Variants in NKD1 observed in about 807,000 individuals in gnomAD.
NKD1 encodes the protein NKD inhibitor of Wnt signaling pathway 1.
In NKD1, 21 loss-of-function variants were observed where a neutral mutation model predicts 56.0. The ratio of observed to expected loss-of-function variants is 0.38; its 90% CI spans 0.27 to 0.54. The LOEUF is 0.54. Among genes scored for constraint, NKD1 ranks in the 20% least tolerant of loss-of-function variants. The pLI is 0.82. For synonymous variants in NKD1, 263 were observed against 265.7 expected (o/e 0.99, Z 0.10); for missense variants, 578 against 642.7 (o/e 0.90, Z 1.09).
At chr16:50,548,953 C>T in intron 2 of NKD1, 7 of 966,570 alleles carry the variant, frequency 7.2e-6, no homozygotes, top group Non-Finnish European at 8.6e-6. Flanking sequence ...CCTGCGCTCC[C>T]ACCGCTGACC....
chr16:50,590,818 T>TG (rs1047094149), intron 3 of NKD1, among the ~76,000 whole-genome samples: 2 of 152,074 alleles, frequency 1.3e-5, no homozygotes, highest in Non-Finnish European at 2.9e-5. Flanking sequence ...AAGCCTTTTT[T>TG]TTGTTGTTGT....
At chr16:50,605,310 G>A (rs1961681142) in intron 3 of NKD1, among the ~76,000 whole-genome samples, 1 of 152,204 alleles carries the variant, frequency 6.6e-6, no homozygotes, top group Non-Finnish European at 1.5e-5. Flanking sequence ...CAGTACTTCA[G>A]GGTTGAGGCC....
In NKD1 at chr16:50,642,280, T is replaced by G. The variant is rs1326626772; in HGVS notation, c.*8499T>G. On this transcript the variant is annotated 3_prime_UTR_variant, in exon 10 of 10. Transcript: ENST00000268459. Reference sequence around the variant, plus strand: ...ACTTCTCTGGGCTGCATCTCACTGTTCAGGCTAGAGTCTGGTCCTTGCCCA... The same window carrying G: ...ACTTCTCTGGGCTGCATCTCACTGTGCAGGCTAGAGTCTGGTCCTTGCCCA... The G allele has an allele frequency of 6.6e-6, 1 of 152,278 alleles. No individual in the cohort carries two copies. The highest frequency in any genetic ancestry group is 2.4e-5 in the African/African-American group (1 of 41,468). 9.4% of individuals were successfully genotyped at this position (152,278 alleles called of 1,614,324 possible). A position where few individuals can be genotyped will look rare whatever the true frequency, so the allele number is the denominator to read the frequency against.
chr16:50,569,962 A>G (rs1232756430), intron 3 of NKD1, among the ~76,000 whole-genome samples: 2 of 152,192 alleles, frequency 1.3e-5, no homozygotes, highest in African/African-American at 4.8e-5. Flanking sequence ...ACTGCCTACC[A>G]TGGCAGCCTC....
At chr16:50,566,628 G>A in intron 3 of NKD1, among the ~76,000 whole-genome samples, 1 of 152,226 alleles carries the variant, frequency 6.6e-6, no homozygotes, top group East Asian at 1.9e-4. Context: ...GCCAACAGCT[G>A]TGGATGGCCT....
Position 50,643,389 on chromosome 16 carries a change from C to T in NKD1, c.*9608C>T, listed in dbSNP as rs1390983243. The T allele has an allele frequency of 2.0e-5, 3 of 152,214 alleles. No individual in the cohort carries two copies. Among genetic ancestry groups the T allele is most frequent in the African/African-American group, 7.2e-5 (3 of 41,462 alleles). The allele number at this position is 152,214 out of a possible 1,614,324, so 9.4% of individuals were successfully genotyped here. ...CCCTCCCTTTCCAGGAGCCTGCTGG[C>T]ATTGATACAGGTTGACAAAGACCAG... is the stretch of plus-strand genomic sequence containing the variant. On this transcript the variant is annotated 3_prime_UTR_variant, in exon 10 of 10. Coordinates refer to ENST00000268459, the MANE Select transcript of NKD1 (RefSeq NM_033119.5).
chr16:50,550,261 T>A (rs1960349952), intron 3 of NKD1, among the ~76,000 whole-genome samples: 1 of 152,062 alleles, frequency 6.6e-6, no homozygotes, highest in Non-Finnish European at 1.5e-5. Flanking sequence ...TCCTGTGAGC[T>A]CCGGAACTCT....
At chr16:50,631,574 A>T (rs931483531) in intron 8 of NKD1, among the ~76,000 whole-genome samples, 2 of 152,166 alleles carry the variant, frequency 1.3e-5, no homozygotes, top group Non-Finnish European at 2.9e-5. Flanking sequence ...AGGTGTGGGG[A>T]CAGGGCTGAG....
intron 3 of NKD1, chr16:50,607,375 G>A (rs570318315): frequency 6.2e-6 from 1 of 160,802 alleles, no homozygotes; most frequent in South Asian, 1.7e-4. Flanking sequence ...GAGAGGGTTG[G>A]GTTTTGTTTT....
At chr16:50,625,887 C>T (rs1054419957) in intron 6 of NKD1, among the ~76,000 whole-genome samples, 1 of 152,220 alleles carries the variant, frequency 6.6e-6, no homozygotes, top group Non-Finnish European at 1.5e-5. Context: ...GAGATGGCCC[C>T]AAGGCCCTAA....
At chr16:50,586,142 C>T (rs757320332) in intron 3 of NKD1, among the ~76,000 whole-genome samples, 2 of 152,190 alleles carry the variant, frequency 1.3e-5, no homozygotes, top group Admixed American at 6.5e-5. Context: ...GCCTCCATGC[C>T]AGGTCCATTT....
rs910066248 is a variant in NKD1, at chr16:50,623,571, G to A, written c.366+1863G>A. Among the ~76,000 whole-genome samples the A allele has an allele frequency of 2.0e-5, 3 of 152,124 alleles. No individual in the cohort carries two copies. The highest frequency in any genetic ancestry group is 7.2e-5 in the African/African-American group (3 of 41,426). On this transcript the variant is annotated intron_variant, in intron 5 of 9. Coordinates refer to ENST00000268459, the MANE Select transcript of NKD1 (RefSeq NM_033119.5). The surrounding 1 kb of genome is among the most constrained non-coding windows in gnomAD (Gnocchi z 4.1). ...GGAGGGGCAGACTTGGGACTGAGCT[G>A]TGGTCCATGGGCAGGACTCAACTGA...
At chr16:50,571,023 G>C in intron 3 of NKD1, 1 of 981,868 alleles carries the variant, frequency 1.0e-6, no homozygotes, top group Non-Finnish European at 1.2e-6. Flanking sequence ...CACCTGTCCC[G>C]CTGTCAGGGC....
intron 3 of NKD1, among the ~76,000 whole-genome samples, chr16:50,568,891 C>T (rs1185140154): frequency 6.6e-6 from 1 of 152,192 alleles, no homozygotes; most frequent in African/African-American, 2.4e-5. Context: ...TTGTCTGTGT[C>T]TGGAGCAGCC....
intron 3 of NKD1, among the ~76,000 whole-genome samples, chr16:50,576,032 G>A (rs994991852): frequency 6.6e-6 from 1 of 152,236 alleles, no homozygotes; most frequent in Non-Finnish European, 1.5e-5. Flanking sequence ...CCGTAGGGGA[G>A]CATCTGGGCT....
rs1402188765 is a variant in NKD1, at chr16:50,643,988, A to C, written c.*10207A>C. 6.6e-6 allele frequency: 1 copy of C among 152,272 alleles called. No homozygotes were observed. The highest frequency in any genetic ancestry group is 1.5e-5 in the Non-Finnish European group (1 of 68,052). The allele number at this position is 152,272 out of a possible 1,614,324, so 9.4% of individuals were successfully genotyped here. On this transcript the variant is annotated 3_prime_UTR_variant, in exon 10 of 10. Transcript: ENST00000268459. ...AAAGCACAAACATGCACAAAGCATG[A>C]TGCTAAACAGACTGTGAGAAGGATG...
intron 3 of NKD1, chr16:50,566,345 C>A: frequency 4.9e-6 from 1 of 205,484 alleles, no homozygotes. Context: ...TAGGCACACC[C>A]TTCCCAGGTA....
chr16:50,572,865 G>A, intron 3 of NKD1: 1 of 984,770 alleles, frequency 1.0e-6, no homozygotes, highest in Non-Finnish European at 1.2e-6. Context: ...GTCAGTCTCT[G>A]GAGCCAACAG....
chr16:50,556,827 G>A (rs1288461246), intron 3 of NKD1: 1 of 150,972 alleles, frequency 6.6e-6, no homozygotes, highest in Non-Finnish European at 1.5e-5. Context: ...TCCTGCCTTG[G>A]CCTCCCAAAG....
Sources: allele counts gnomAD v4.1 joint callset (sites outside exome capture counted in the v4.1 genomes callset), GRCh38; gene constraint gnomAD v4.1.1; non-coding constraint Gnocchi (gnomAD v3.1); transcripts MANE v1.5; gene names NCBI Gene and HGNC (gene_info 2026-07-23, HGNC 2026-07-21).